The following CTNND2 variants were observed in gnomAD, a reference collection of about 807,000 sequenced individuals.
CTNND2 encodes catenin delta 2, also known as catenin delta-2.
In CTNND2, 22 loss-of-function variants were observed where a neutral mutation model predicts 144.4. The observed-to-expected ratio is 0.15, with a 90% CI of 0.11 to 0.22. CTNND2 has a LOEUF of 0.22. CTNND2 is among the 10% of genes least tolerant of loss of function. The pLI is 1.00. For missense variants in CTNND2, 1,353 were observed against 1,618.8 expected, an observed-to-expected ratio of 0.84 and a Z score of 2.82; for synonymous variants, 751 against 695.6, an observed-to-expected ratio of 1.08 and a Z score of -1.25.
intron 18 of CTNND2, among the ~76,000 whole-genome samples, chr5:10,997,156 A>C (rs1411848169): frequency 1.3e-5 from 2 of 152,166 alleles, no homozygotes; most frequent in African/African-American, 2.4e-5. Context: ...AAATGTCTCC[A>C]CTGGAGTTCT....
chr5:11,886,974 GCTT>G (rs1736583358), intron 1 of CTNND2, among the ~76,000 whole-genome samples: 1 of 103,250 alleles, frequency 9.7e-6, no homozygotes, highest in African/African-American at 3.3e-5. Context: ...CTATCCTACT[GCTT>G]TTTTTTTTTT....
chr5:11,614,673 G>A (rs967943639), intron 2 of CTNND2, among the ~76,000 whole-genome samples: 1 of 152,222 alleles, frequency 6.6e-6, no homozygotes, highest in Admixed American at 6.5e-5. Flanking sequence ...TGTGGGTATA[G>A]TCACATGACG....
At chr5:11,478,167 T>A (rs1040075069) in intron 3 of CTNND2, among the ~76,000 whole-genome samples, 13 of 152,244 alleles carry the variant, frequency 8.5e-5, no homozygotes, top group African/African-American at 3.1e-4. Context: ...TATGTGTGTG[T>A]GCATATTTTT....
chr5:11,272,879 T>C (rs1490569565), intron 9 of CTNND2, among the ~76,000 whole-genome samples: 3 of 152,274 alleles, frequency 2.0e-5, no homozygotes, highest in East Asian at 1.9e-4. Flanking sequence ...ATCTGGCCCA[T>C]GGGACAAATC....
intron 11 of CTNND2, among the ~76,000 whole-genome samples, chr5:11,182,137 T>A (rs1302563546): frequency 7.3e-6 from 1 of 137,488 alleles, no homozygotes; most frequent in African/African-American, 2.8e-5. Context: ...GGATGGGGTG[T>A]GTGTGTGTGG....
At chr5:11,739,537 G>C (rs934373448) in intron 1 of CTNND2, among the ~76,000 whole-genome samples, 1 of 152,184 alleles carries the variant, frequency 6.6e-6, no homozygotes, top group Non-Finnish European at 1.5e-5. Flanking sequence ...TCTGATGTCA[G>C]TCAGGGAATG....
At chr5:11,398,739 C>T (rs1760365021) in intron 5 of CTNND2, among the ~76,000 whole-genome samples, 2 of 152,112 alleles carry the variant, frequency 1.3e-5, no homozygotes, top group South Asian at 4.1e-4. Flanking sequence ...GTAACATTTC[C>T]AATAGCCTGG....
At chr5:11,166,287 C>T (rs1193494540) in intron 11 of CTNND2, among the ~76,000 whole-genome samples, 1 of 138,104 alleles carries the variant, frequency 7.2e-6, no homozygotes, top group Admixed American at 7.5e-5. Context: ...CTTGCTCTGT[C>T]ACCCAGGCTG....
At chr5:11,012,344 G>A (rs988962655) in intron 18 of CTNND2, among the ~76,000 whole-genome samples, 4 of 152,188 alleles carry the variant, frequency 2.6e-5, no homozygotes, top group Non-Finnish European at 5.9e-5. Context: ...TAAAGTGGAA[G>A]GAAGGCATCA....
intron 11 of CTNND2, among the ~76,000 whole-genome samples, chr5:11,164,241 T>G (rs1276036313): frequency 6.6e-6 from 1 of 152,164 alleles, no homozygotes; most frequent in African/African-American, 2.4e-5. Context: ...TAGTCATACC[T>G]GCAAAGTCCC....
intron 12 of CTNND2, among the ~76,000 whole-genome samples, chr5:11,145,983 TC>T (rs1019605793): frequency 2.8e-4 from 43 of 152,094 alleles, no homozygotes; most frequent in African/African-American, 1.0e-3. Context: ...CTCTCCTTCT[TC>T]CCCCGGACAG....
chr5:11,659,830 A>G (rs1298974122), intron 2 of CTNND2, among the ~76,000 whole-genome samples: 2 of 152,178 alleles, frequency 1.3e-5, no homozygotes, highest in Non-Finnish European at 2.9e-5. Flanking sequence ...TATTTATGTC[A>G]TGAGTGTACA....
chr5:11,755,894 G>C (rs920032332), intron 1 of CTNND2, among the ~76,000 whole-genome samples: 1 of 151,322 alleles, frequency 6.6e-6, no homozygotes, highest in Non-Finnish European at 1.5e-5. Flanking sequence ...GAATCTTCAT[G>C]ATCTTTTTTC....
intron 11 of CTNND2, among the ~76,000 whole-genome samples, chr5:11,190,709 A>G (rs758006490): frequency 3.3e-5 from 5 of 152,246 alleles, no homozygotes; most frequent in Admixed American, 6.5e-5. Context: ...TGTATTATCT[A>G]TGGTGCTTTC....
chr5:11,410,933 G>A (rs991129389), intron 5 of CTNND2, among the ~76,000 whole-genome samples: 1 of 151,212 alleles, frequency 6.6e-6, no homozygotes, highest in Non-Finnish European at 1.5e-5. Flanking sequence ...GTACAGTGGC[G>A]CAATCTCGGC....
chr5:11,758,627 T>A (rs923375376), intron 1 of CTNND2, among the ~76,000 whole-genome samples: 2 of 152,066 alleles, frequency 1.3e-5, no homozygotes, highest in Non-Finnish European at 2.9e-5. Context: ...AAGCTGTAAT[T>A]TCTCTGTGTT....
intron 2 of CTNND2, among the ~76,000 whole-genome samples, chr5:11,721,959 G>A (rs1453471418): frequency 6.6e-6 from 1 of 152,168 alleles, no homozygotes; most frequent in Admixed American, 6.5e-5. Flanking sequence ...ATAGGAAATT[G>A]TGATCTAGCA....
At chr5:11,382,730 C>T (rs1197177520) in intron 7 of CTNND2, among the ~76,000 whole-genome samples, 2 of 151,782 alleles carry the variant, frequency 1.3e-5, no homozygotes, top group African/African-American at 4.8e-5. Flanking sequence ...AATCACAACC[C>T]CGAAATTCCA....
chr5:11,772,788 T>G (rs915354092), intron 1 of CTNND2, among the ~76,000 whole-genome samples: 2 of 152,180 alleles, frequency 1.3e-5, no homozygotes, highest in African/African-American at 2.4e-5. Flanking sequence ...GGGGCAGAAT[T>G]TGAAAATACT....
Sources: gnomAD v4.1 joint callset for allele counts (sites outside exome capture counted in the v4.1 genomes callset) on GRCh38, gnomAD v4.1.1 for gene constraint, MANE v1.5 for transcripts, NCBI Gene and HGNC (gene_info 2026-07-23, HGNC 2026-07-21) for gene names.